Variants in TCF4 observed in about 807,000 individuals in gnomAD.
TCF4 encodes the protein transcription factor 4.
In TCF4, 3 loss-of-function variants were observed where a neutral mutation model predicts 82.1. That is an observed-to-expected ratio of 0.04 (90% confidence interval 0.02 to 0.09). The LOEUF (loss-of-function observed/expected upper bound fraction) is 0.09. Ranked by LOEUF, TCF4 falls within the 10% of genes least tolerant of loss-of-function variation. The probability of loss-of-function intolerance (pLI) is 1.00; values close to 1 mark genes in which losing one functional copy is unlikely to be tolerated. For synonymous variants in TCF4, 276 were observed against 309.6 expected (o/e 0.89, Z 1.14); for missense variants, 518 against 852.7 (o/e 0.61, Z 4.89).
At chr18:55,437,492 A>G (rs1166581264) in intron 5 of TCF4, among the ~76,000 whole-genome samples, 3 of 152,188 alleles carry the variant, frequency 2.0e-5, no homozygotes, top group Non-Finnish European at 4.4e-5. Context: ...TTTGCACACA[A>G]ATATCTTAGT....
chr18:55,555,888 C>CT (rs2097299475), intron 3 of TCF4, among the ~76,000 whole-genome samples: 1 of 152,154 alleles, frequency 6.6e-6, no homozygotes, highest in African/African-American at 2.4e-5. Flanking sequence ...CCAAATACAT[C>CT]TATTTAGTCT....
chr18:55,233,816 CAAAA>C (rs34564671), intron 16 of TCF4, among the ~76,000 whole-genome samples: 5 of 62,968 alleles, frequency 7.9e-5, no homozygotes, highest in African/African-American at 1.9e-4. Flanking sequence ...GAGGCTCTGT[CAAAA>C]AAAAAAAAAA....
intron 5 of TCF4, among the ~76,000 whole-genome samples, chr18:55,457,661 AT>A (rs2095791518): frequency 6.6e-6 from 1 of 152,064 alleles, no homozygotes; most frequent in African/African-American, 2.4e-5. Flanking sequence ...AAGTTTTTGT[AT>A]TTTTGGTAGA....
intron 3 of TCF4, among the ~76,000 whole-genome samples, chr18:55,519,395 C>T: frequency 6.7e-6 from 1 of 149,514 alleles, no homozygotes; most frequent in Non-Finnish European, 1.5e-5. Context: ...GATGGTACCA[C>T]TGCACTTCAG....
chr18:55,295,357 C>T (rs752297604), intron 8 of TCF4, among the ~76,000 whole-genome samples: 10 of 152,144 alleles, frequency 6.6e-5, no homozygotes, highest in Admixed American at 2.0e-4. Flanking sequence ...ATGATGATGA[C>T]GATGATGGAA....
Position 55,434,499 on chromosome 18 carries a change from A to G in TCF4, c.304+26520T>C, listed in dbSNP as rs574958809. 2.4e-3 allele frequency among the ~76,000 whole-genome samples: 346 copies of G among 145,564 alleles called. 4 individuals carry two copies. The highest frequency in any genetic ancestry group is 8.1e-3 in the African/African-American group (318 of 39,314). On this transcript the variant is annotated intron_variant, in intron 5 of 19. Transcript: ENST00000354452. ...CAGTGGCGCGATCTCGGCTCACTGC[A>G]AGCTCCGCCTCCCAGGTTCACGCCA...
chr18:55,494,156 G>GGACA (rs1477182787), intron 3 of TCF4, among the ~76,000 whole-genome samples: 2 of 77,952 alleles, frequency 2.6e-5, no homozygotes, highest in South Asian at 4.8e-4. Context: ...GAAATATTAT[G>GGACA]GACACACACA....
chr18:55,423,674 A>G (rs1252335907), intron 5 of TCF4: 1 of 152,424 alleles, frequency 6.6e-6, no homozygotes, highest in Non-Finnish European at 1.5e-5. Flanking sequence ...TCAATCACAG[A>G]TGAAGGGCCC....
intron 8 of TCF4, among the ~76,000 whole-genome samples, chr18:55,330,295 C>T (rs1007813238): frequency 1.3e-4 from 19 of 151,250 alleles, no homozygotes; most frequent in Admixed American, 1.2e-3. Flanking sequence ...ATTATCCTGC[C>T]TCAGCTCCTG....
intron 3 of TCF4, among the ~76,000 whole-genome samples, chr18:55,471,765 CAAAAAAAA>C (rs11338618): frequency 7.6e-6 from 1 of 131,510 alleles, no homozygotes; most frequent in East Asian, 2.3e-4. Flanking sequence ...GACTCTGTCT[CAAAAAAAA>C]AAAAAAAAGA....
intron 5 of TCF4, among the ~76,000 whole-genome samples, chr18:55,456,786 A>G (rs565895510): frequency 5.1e-4 from 77 of 152,256 alleles, no homozygotes; most frequent in African/African-American, 1.7e-3. Flanking sequence ...AACCCTCTTA[A>G]AAAAACAGAG....
intron 3 of TCF4, among the ~76,000 whole-genome samples, chr18:55,496,896 C>CAAAAAA (rs60244407): frequency 2.8e-5 from 3 of 108,708 alleles, no homozygotes; most frequent in African/African-American, 6.7e-5. Context: ...TGTAAAATTA[C>CAAAAAA]AAAAAAAAAA....
chr18:55,419,992 G>T (rs1489229084), intron 5 of TCF4, among the ~76,000 whole-genome samples: 2 of 152,172 alleles, frequency 1.3e-5, no homozygotes, highest in African/African-American at 4.8e-5. Context: ...ATCTTCTAGG[G>T]AGGGTAAAAC....
chr18:55,577,312 T>C (rs1458408935), intron 3 of TCF4, among the ~76,000 whole-genome samples: 1 of 150,004 alleles, frequency 6.7e-6, no homozygotes, highest in Non-Finnish European at 1.5e-5. Flanking sequence ...CAATCAGAAT[T>C]AGACTAGATA....
chr18:55,241,190 C>T (rs956686762), intron 15 of TCF4, among the ~76,000 whole-genome samples: 3 of 152,132 alleles, frequency 2.0e-5, no homozygotes, highest in Non-Finnish European at 2.9e-5. Flanking sequence ...GGATGTGAGC[C>T]GACCTCAGTT....
intron 2 of TCF4, chr18:55,586,198 CAG>C: frequency 1.3e-6 from 1 of 756,150 alleles, no homozygotes; most frequent in Non-Finnish European, 1.9e-6. Flanking sequence ...GCAGCAGCAG[CAG>C]CAGCAGCAGC....
intron 3 of TCF4, among the ~76,000 whole-genome samples, chr18:55,514,676 G>A (rs1250664789): frequency 2.0e-5 from 3 of 152,082 alleles, no homozygotes; most frequent in Non-Finnish European, 2.9e-5. Context: ...CAGGGCAGCC[G>A]CAGCATTTGA....
chr18:55,461,419 C>T (rs2095865631), intron 4 of TCF4, among the ~76,000 whole-genome samples: 1 of 152,152 alleles, frequency 6.6e-6, no homozygotes, highest in African/African-American at 2.4e-5. Context: ...ACACCAGACA[C>T]ATACAAAGTA....
chr18:55,618,987 T>A (rs1410515601), intron 2 of TCF4, among the ~76,000 whole-genome samples: 1 of 152,146 alleles, frequency 6.6e-6, no homozygotes, highest in Non-Finnish European at 1.5e-5. Context: ...GTAATGTCTT[T>A]GTCTGGTTTT....
Sources: allele counts gnomAD v4.1 joint callset (sites outside exome capture counted in the v4.1 genomes callset), GRCh38; gene constraint gnomAD v4.1.1; transcripts MANE v1.5; gene names NCBI Gene and HGNC (gene_info 2026-07-23, HGNC 2026-07-21).